Variants in SLC7A9 observed in about 807,000 individuals in gnomAD.
The protein encoded by SLC7A9 is solute carrier family 7 member 9, also known as B(0,+)-type amino acid transporter 1.
A neutral mutation model predicts 54.1 loss-of-function variants in SLC7A9; 38 were observed. The observed-to-expected ratio is 0.70, with a 90% CI of 0.54 to 0.92. The LOEUF (loss-of-function observed/expected upper bound fraction) is 0.92, where lower values mean the gene tolerates loss of function less well. Ranked by LOEUF, SLC7A9 falls within the 40% of genes least tolerant of loss-of-function variation. The pLI, the probability that SLC7A9 is intolerant of heterozygous loss-of-function variation, is 0.00. For missense variants in SLC7A9, 537 were observed against 636.1 expected, an observed-to-expected ratio of 0.84 and a Z score of 1.68; for synonymous variants, 264 against 258.9, an observed-to-expected ratio of 1.02 and a Z score of -0.19.
At chr19:32,859,326 C>T (rs1481015657) in intron 8 of SLC7A9, among the ~76,000 whole-genome samples, 2 of 151,962 alleles carry the variant, frequency 1.3e-5, no homozygotes. Flanking sequence ...AACCCCCACT[C>T]CAACCGGAAT....
intron 9 of SLC7A9, among the ~76,000 whole-genome samples, chr19:32,856,320 A>G (rs1599676575): frequency 6.6e-6 from 1 of 151,046 alleles, no homozygotes; most frequent in Non-Finnish European, 1.5e-5. Context: ...TCAGCCTCCC[A>G]AGTAGCTAGG....
intron 9 of SLC7A9, among the ~76,000 whole-genome samples, chr19:32,850,640 G>C (rs1242865105): frequency 1.3e-5 from 2 of 152,080 alleles, no homozygotes; most frequent in African/African-American, 4.8e-5. Context: ...TCCCCATCAA[G>C]CTACCAATGA....
rs1969050648 is a variant in SLC7A9, at chr19:32,868,658, A to G, written c.-111-13T>C. On this transcript the variant is annotated splice_polypyrimidine_tract_variant and intron_variant, in intron 1 of 12. Transcript: ENST00000023064. ...CTAGGGGAGCTGGCTGCAAAAGCAC[A>G]GTGTTGGTTATTGCTGCAGGTGGGG... 2.5e-6 allele frequency: 2 copies of G among 804,160 alleles called. No homozygotes were observed. Among genetic ancestry groups the G allele is most frequent in the Non-Finnish European group, 4.3e-6 (2 of 460,218 alleles). The allele number at this position is 804,160 out of a possible 1,614,324, so 49.8% of individuals were successfully genotyped here.
chr19:32,846,556 A>C (rs1968302326), intron 9 of SLC7A9, among the ~76,000 whole-genome samples: 1 of 152,210 alleles, frequency 6.6e-6, no homozygotes, highest in South Asian at 2.1e-4. Context: ...CAGCTCAAGG[A>C]GGCCTGCCTG....
chr19:32,857,684 A>T (rs1968667032), intron 9 of SLC7A9, among the ~76,000 whole-genome samples: 1 of 152,142 alleles, frequency 6.6e-6, no homozygotes, highest in South Asian at 2.1e-4. Flanking sequence ...GTGTTCGAGG[A>T]TGTTCACTGC....
chr19:32,841,372 A>C (rs1968122054), intron 11 of SLC7A9, among the ~76,000 whole-genome samples: 1 of 151,976 alleles, frequency 6.6e-6, no homozygotes, highest in African/African-American at 2.4e-5. Context: ...GCAAGAATAG[A>C]CTCTGAGTGG....
chr19:32,857,436 C>T (rs769202869), intron 9 of SLC7A9, among the ~76,000 whole-genome samples: 7 of 152,022 alleles, frequency 4.6e-5, no homozygotes, highest in Admixed American at 4.6e-4. Flanking sequence ...AGAGTGAGAC[C>T]TTGCCTCAAA....
chr19:32,862,661 A>ATT (rs1161216387), intron 4 of SLC7A9, 75 bp from the exon 5 acceptor site: 3 of 1,283,256 alleles, frequency 2.3e-6, no homozygotes, highest in East Asian at 2.9e-5. Flanking sequence ...TCTTTTATAT[A>ATT]TTTTTTATTT....
At chr19:32,856,198 T>TG (rs937116709) in intron 9 of SLC7A9, among the ~76,000 whole-genome samples, 3 of 151,264 alleles carry the variant, frequency 2.0e-5, no homozygotes, top group East Asian at 2.0e-4. Context: ...GCTAGTGGTT[T>TG]TTTTTTTTTT....
intron 11 of SLC7A9, 141 bp from the exon 12 acceptor site, chr19:32,833,464 T>C (rs1377052659): frequency 2.2e-6 from 2 of 891,354 alleles, no homozygotes; most frequent in African/African-American, 1.7e-5. Context: ...TTTGCCAATC[T>C]TATTTCATCT....
In SLC7A9 at chr19:32,864,115, G is replaced by C. The variant is rs555734325; in HGVS notation, c.459C>G (p.Cys153Trp). ...ACTCACAGATGGCGGCGGCGGCCAGGCATTTCACAACGATTTGAGGAGGCT... is the reference window on the plus strand; with the variant it reads ...ACTCACAGATGGCGGCGGCGGCCAGCCATTTCACAACGATTTGAGGAGGCT... ...GCKPPQIVVK[C>W]LAAAAILFIS... The change falls in exon 4 of 13, where the codon TGC (cysteine) becomes TGG (tryptophan). Residue 153 changes from cysteine to tryptophan, a missense_variant. By Grantham distance (215) the Cys-to-Trp change is radical. Transcript: ENST00000023064. The C allele has an allele frequency of 1.9e-6, 3 of 1,614,206 alleles. No homozygotes were observed. The highest frequency in any genetic ancestry group is 4.5e-5 in the East Asian group (2 of 44,888).
At chr19:32,850,335 C>G (rs1968432904) in intron 9 of SLC7A9, among the ~76,000 whole-genome samples, 1 of 149,170 alleles carries the variant, frequency 6.7e-6, no homozygotes, top group Non-Finnish European at 1.5e-5. Flanking sequence ...TCAGCAAAGT[C>G]TCAGGATACA....
At chr19:32,834,864 C>G (rs982166298) in intron 11 of SLC7A9, among the ~76,000 whole-genome samples, 1 of 152,124 alleles carries the variant, frequency 6.6e-6, no homozygotes, top group Non-Finnish European at 1.5e-5. Flanking sequence ...GATCTTGGCT[C>G]ACTGCAACCT....
intron 8 of SLC7A9, among the ~76,000 whole-genome samples, chr19:32,859,137 T>C (rs1444447908): frequency 6.6e-6 from 1 of 152,018 alleles, no homozygotes; most frequent in East Asian, 1.9e-4. Flanking sequence ...TCTTGCTCTG[T>C]CGCCCAGGCT....
chr19:32,859,551 T>G (rs898060805), intron 8 of SLC7A9, among the ~76,000 whole-genome samples: 2 of 152,088 alleles, frequency 1.3e-5, no homozygotes, highest in African/African-American at 2.4e-5. Context: ...GCAAAAGTAA[T>G]TGCCAGTTTT....
At position 32,833,249 on chromosome 19, in the gene SLC7A9, G is replaced by T; in HGVS notation, c.1299C>A (p.Pro433=). The T allele has an allele frequency of 1.2e-6, 2 of 1,614,164 alleles. No individual in the cohort carries two copies. Among genetic ancestry groups the T allele is most frequent in the Non-Finnish European group, 1.7e-6 (2 of 1,180,008 alleles). Residue 433 remains proline (P), a synonymous_variant, in exon 12 of 13, where the codon CCC becomes CCA. Coordinates refer to ENST00000023064, the MANE Select transcript of SLC7A9 (RefSeq NM_014270.5). Reference sequence around the variant, plus strand: ...GCACACAGTAGAGGTACTCCCAGGTGGGCTTGCTGATGATTGGAGCCAGAA... The same window carrying T: ...GCACACAGTAGAGGTACTCCCAGGTTGGCTTGCTGATGATTGGAGCCAGAA... The part of the protein sequence containing the change: ...FLVLAPIISK[P]TWEYLYCVLF...
At chr19:32,837,277 C>T (rs1279646458) in intron 11 of SLC7A9, among the ~76,000 whole-genome samples, 2 of 152,092 alleles carry the variant, frequency 1.3e-5, no homozygotes, top group Admixed American at 1.3e-4. Context: ...AGGAAGATAA[C>T]TTGAGCCAGG....
chr19:32,832,611 A>AAGAAAG (rs1216873569), intron 12 of SLC7A9, among the ~76,000 whole-genome samples: 1 of 148,546 alleles, frequency 6.7e-6, no homozygotes, highest in Non-Finnish European at 1.5e-5. Flanking sequence ...AAAAGAAAGA[A>AAGAAAG]AGAAAGAAAA....
chr19:32,856,251 G>A (rs12978318), intron 9 of SLC7A9, among the ~76,000 whole-genome samples: 3 of 150,554 alleles, frequency 2.0e-5, no homozygotes, highest in East Asian at 4.0e-4. Flanking sequence ...CTGGAGTGCA[G>A]TGGCGTGATC....
Sources: gnomAD v4.1 joint callset for allele counts (sites outside exome capture counted in the v4.1 genomes callset) on GRCh38, gnomAD v4.1.1 for gene constraint, MANE v1.5 for transcripts, NCBI Gene and HGNC (gene_info 2026-07-23, HGNC 2026-07-21) for gene names.